The following KMT2A variants were observed in gnomAD, a reference collection of about 807,000 sequenced individuals.
The protein encoded by KMT2A is lysine methyltransferase 2A, also known as histone-lysine N-methyltransferase 2A.
A neutral mutation model predicts 345.3 loss-of-function variants in KMT2A; 16 were observed. The observed-to-expected ratio is 0.05, with a 90% CI of 0.03 to 0.07. The LOEUF is 0.07. Among genes scored for constraint, KMT2A ranks in the 10% least tolerant of loss-of-function variants. The pLI, the probability that KMT2A is intolerant of heterozygous loss-of-function variation, is 1.00. For missense variants in KMT2A, 3,272 were observed against 4,841.6 expected (o/e 0.68, Z 9.62); for synonymous variants, 1,599 against 1,778.6 (o/e 0.90, Z 2.54).
intron 1 of KMT2A, chr11:118,448,483 C>T (rs1949467156): frequency 6.6e-6 from 1 of 152,132 alleles, no homozygotes; most frequent in Non-Finnish European, 1.5e-5. Context: ...TTGCAGAAAG[C>T]ATTTCCTGTA....
intron 5 of KMT2A, 103 bp from the exon 6 acceptor site, chr11:118,480,071 C>G (rs1950104637): frequency 2.3e-6 from 2 of 876,560 alleles, no homozygotes; most frequent in African/African-American, 3.4e-5. Context: ...AAAATGTGAA[C>G]CTGAATACAG....
intron 3 of KMT2A, 115 bp downstream of exon 3, chr11:118,474,430 G>T: frequency 7.8e-7 from 1 of 1,290,302 alleles, no homozygotes; most frequent in Non-Finnish European, 1.0e-6. Context: ...GAAAAGTATG[G>T]TGGAGGCAGT....
chr11:118,504,561 G>A lies in KMT2A; in HGVS notation c.8669G>A (p.Arg2890His), dbSNP rs782765039. 4 of 1,614,016 alleles carry A rather than the reference G, an allele frequency of 2.5e-6. No individual in the cohort carries two copies. The South Asian group carries it at 3.3e-5, about 13-fold the overall frequency. The change falls in exon 27 of 36, where the codon CGT becomes CAT. Residue 2890 changes from arginine to histidine, a missense_variant. Arg to His is a conservative substitution (Grantham distance 29). Coordinates refer to ENST00000534358, the MANE Select transcript of KMT2A (RefSeq NM_001197104.2). This position sits in a 1 kb window ranked among gnomAD's most constrained non-coding sequence, Gnocchi z 6.4. Reference protein sequence around the residue: ...LGEGLGLDSNREKDMGLFEVF... With the variant: ...LGEGLGLDSNHEKDMGLFEVF... ...GAAGGATTGGGTCTTGACAGTAATCGTGAAAAAGACATGGGTCTTTTTGAA... is the reference window on the plus strand; with the variant it reads ...GAAGGATTGGGTCTTGACAGTAATCATGAAAAAGACATGGGTCTTTTTGAA...
In KMT2A at chr11:118,473,881, G is replaced by T; in HGVS notation, c.2722G>T (p.Val908Leu). ...EIQSSSALYP[V>L]GRVSKEKVVG... ...TCAGAGTAGTTCTGCTTTGTATCCTGTGGGTAGGGTTTCCAAAGAGAAGGT... is the reference window on the plus strand; with the variant it reads ...TCAGAGTAGTTCTGCTTTGTATCCTTTGGGTAGGGTTTCCAAAGAGAAGGT... Residue 908 changes from valine (V) to leucine (L), a missense_variant, in exon 3 of 36, where the codon GTG becomes TTG. Physicochemically the swap from Val to Leu is conservative, Grantham distance 32. This residue lies in a region of KMT2A where 209 missense variants were observed against 237.4 expected (regional missense o/e 0.88). Coordinates refer to ENST00000534358, the MANE Select transcript of KMT2A (RefSeq NM_001197104.2). The surrounding 1 kb of genome is among the most constrained non-coding windows in gnomAD (Gnocchi z 5.2). The T allele has an allele frequency of 6.8e-6, 11 of 1,614,174 alleles. No individual in the cohort carries two copies. The highest frequency in any genetic ancestry group is 9.3e-6 in the Non-Finnish European group (11 of 1,180,022).
chr11:118,438,770 C>T (rs190505891), intron 1 of KMT2A, among the ~76,000 whole-genome samples: 3 of 151,912 alleles, frequency 2.0e-5, no homozygotes, highest in Admixed American at 2.0e-4. Context: ...TTTTTTTAAT[C>T]GTTTCTAAGG....
Position 118,505,084 on chromosome 11 carries a change from T to G in KMT2A, c.9192T>G (p.Asn3064Lys). The G allele has an allele frequency of 6.2e-7, 1 of 1,614,140 alleles. No homozygotes were observed. Among genetic ancestry groups the G allele is most frequent in the East Asian group, 2.2e-5 (1 of 44,870 alleles). Residue 3064 changes from asparagine to lysine, a missense_variant, in exon 27 of 36, where the codon AAT (asparagine) becomes AAG (lysine). Coordinates refer to ENST00000534358, the MANE Select transcript of KMT2A (RefSeq NM_001197104.2). The surrounding 1 kb of genome is among the most constrained non-coding windows in gnomAD (Gnocchi z 4.6). ...TDSPGPSQIS[N>K]AAVQTTPPHL... ...GTCCTGGCCCGTCTCAGATTTCCAA[T>G]GCAGCTGTCCAGACCACTCCACCCC...
Position 118,491,139 on chromosome 11 carries a change from C to T in KMT2A, c.4697-57C>T, listed in dbSNP as rs9332811. The T allele has an allele frequency of 1.9e-3, 2,971 of 1,587,312 alleles. 41 individuals carry two copies. In the South Asian group the frequency reaches 0.024, roughly 13 times the overall value. On this transcript the variant is annotated intron_variant, in intron 13 of 35. Coordinates refer to ENST00000534358, the MANE Select transcript of KMT2A (RefSeq NM_001197104.2). This position sits in a 1 kb window ranked among gnomAD's most constrained non-coding sequence, Gnocchi z 4.2. The stretch of plus-strand genomic sequence containing the variant: ...GGGTTGGTAAATGCAAGTCGAGGGC[C>T]GTAAAAACACGGGTATGTGAGCCAA...
At chr11:118,446,469 A>G (rs961229651) in intron 1 of KMT2A, among the ~76,000 whole-genome samples, 3 of 152,244 alleles carry the variant, frequency 2.0e-5, no homozygotes, top group Admixed American at 6.5e-5. Context: ...CTTAAGTTAT[A>G]TGGCTAGTAA....
chr11:118,491,348 T>C lies in KMT2A; in HGVS notation c.4819+30T>C. 1 of 1,607,376 alleles carries C rather than the reference T, an allele frequency of 6.2e-7. No homozygotes were observed. The highest frequency in any genetic ancestry group is 8.5e-7 in the Non-Finnish European group (1 of 1,176,798). ...GAGTCTTTTTATTTCAGTTTTCTTCTTTCTAGGTACTACTACATTTATTAG... is the reference window on the plus strand; with the variant it reads ...GAGTCTTTTTATTTCAGTTTTCTTCCTTCTAGGTACTACTACATTTATTAG... On this transcript the variant is annotated intron_variant, in intron 14 of 35. Transcript: ENST00000534358. The surrounding 1 kb of genome is among the most constrained non-coding windows in gnomAD (Gnocchi z 4.2).
At chr11:118,437,649 C>G (rs1591333754) in intron 1 of KMT2A, among the ~76,000 whole-genome samples, 1 of 145,982 alleles carries the variant, frequency 6.9e-6, no homozygotes, top group Non-Finnish European at 1.5e-5. Context: ...CTGAAGATAA[C>G]GGTGATTCCT....
Position 118,503,640 on chromosome 11 carries a change from G to T in KMT2A, c.7748G>T (p.Cys2583Phe). Residue 2583 changes from cysteine to phenylalanine, a missense_variant, in exon 27 of 36, where the codon TGC (cysteine) becomes TTC (phenylalanine). Coordinates refer to ENST00000534358, the MANE Select transcript of KMT2A (RefSeq NM_001197104.2). This position sits in a 1 kb window ranked among gnomAD's most constrained non-coding sequence, Gnocchi z 5.3. The part of the protein sequence containing the change: ...VAQPSPNNTS[C>F]QDSQSNNYQN... ...CAACCAAGCCCCAATAATACCTCAT[G>T]CCAGGATTCTCAAAGTAACAACTAT... 1 of 1,614,178 alleles carries T rather than the reference G, an allele frequency of 6.2e-7. No homozygotes were observed. The highest frequency in any genetic ancestry group is 8.5e-7 in the Non-Finnish European group (1 of 1,180,026).
At position 118,526,640 on chromosome 11, in the gene KMT2A, C is replaced by T. The variant is rs1364840277; in HGVS notation, c.*4468C>T. On this transcript the variant is annotated 3_prime_UTR_variant, in exon 36 of 36. Coordinates refer to ENST00000534358, the MANE Select transcript of KMT2A (RefSeq NM_001197104.2). The stretch of plus-strand genomic sequence containing the variant: ...GTCCATCAGTGTTAACTCCCTGTGA[C>T]AGGGATGAAGGAAAATACTTTAATA... The T allele has an allele frequency of 2.6e-5, 6 of 228,944 alleles. No individual in the cohort carries two copies. Among genetic ancestry groups the T allele is most frequent in the African/African-American group, 9.0e-5 (4 of 44,472 alleles). 14.2% of individuals were successfully genotyped at this position (228,944 alleles called of 1,614,324 possible).
At chr11:118,513,122 T>A (rs1015121266) in intron 31 of KMT2A, among the ~76,000 whole-genome samples, 2 of 152,110 alleles carry the variant, frequency 1.3e-5, no homozygotes, top group Non-Finnish European at 2.9e-5. Flanking sequence ...TGCACACCTG[T>A]ACTCCCAGCT....
chr11:118,493,740 C>T lies in KMT2A; in HGVS notation c.5178+510C>T, dbSNP rs768113799. Among the ~76,000 whole-genome samples, 4 of 152,070 alleles carry T rather than the reference C, an allele frequency of 2.6e-5. No individual in the cohort carries two copies. Among genetic ancestry groups the T allele is most frequent in the African/African-American group, 9.7e-5 (4 of 41,408 alleles). On this transcript the variant is annotated intron_variant, in intron 16 of 35. Coordinates refer to ENST00000534358, the MANE Select transcript of KMT2A (RefSeq NM_001197104.2). This position sits in a 1 kb window ranked among gnomAD's most constrained non-coding sequence, Gnocchi z 5.8. ...TATTTATTTATTTGAGATGGAGTCT[C>T]GCTCTGTTACCCAGGCTGGCATGCA...
At position 118,436,704 on chromosome 11, in the gene KMT2A, G is replaced by T; in HGVS notation, c.192G>T (p.Ala64=). 7.4e-7 allele frequency: 1 copy of T among 1,346,966 alleles called. No homozygotes were observed. Among genetic ancestry groups the T allele is most frequent in the Non-Finnish European group, 9.6e-7 (1 of 1,045,702 alleles). 83.4% of individuals were successfully genotyped at this position (1,346,966 alleles called of 1,614,324 possible). A position where few individuals can be genotyped will look rare whatever the true frequency, so the allele number is the denominator to read the frequency against. Residue 64 remains alanine, a synonymous_variant, in exon 1 of 36, where the codon GCG becomes GCT. Coordinates refer to ENST00000534358, the MANE Select transcript of KMT2A (RefSeq NM_001197104.2). This position sits in a 1 kb window ranked among gnomAD's most constrained non-coding sequence, Gnocchi z 6.9. Reference sequence around the variant, plus strand: ...CCCCCCCGGCTGTGGCGGCCGCGGCGGCGGCGGCGGGAAGCAGCGGGGCTG... The same window carrying T: ...CCCCCCCGGCTGTGGCGGCCGCGGCTGCGGCGGCGGGAAGCAGCGGGGCTG... ...PPSPPAVAAA[A]AAAGSSGAGV...
At chr11:118,508,511 A>AG (rs1950627715) in intron 28 of KMT2A, among the ~76,000 whole-genome samples, 1 of 152,158 alleles carries the variant, frequency 6.6e-6, no homozygotes, top group Non-Finnish European at 1.5e-5. Context: ...CTGAGGCAGG[A>AG]GGATTGCTTG....
intron 10 of KMT2A, chr11:118,488,397 C>T (rs1950266659): frequency 1.0e-5 from 6 of 576,976 alleles, no homozygotes; most frequent in South Asian, 7.1e-5. Flanking sequence ...TATTTTGTTA[C>T]TTTCTATTTC....
At chr11:118,463,718 C>T (rs1949789411) in intron 1 of KMT2A, among the ~76,000 whole-genome samples, 1 of 152,066 alleles carries the variant, frequency 6.6e-6, no homozygotes, top group African/African-American at 2.4e-5. Flanking sequence ...GCTTCATTTT[C>T]TTCAAACACA....
chr11:118,518,117 CACCATT>C (rs1555052134), intron 31 of KMT2A, among the ~76,000 whole-genome samples: 3 of 152,148 alleles, frequency 2.0e-5, no homozygotes, highest in Non-Finnish European at 4.4e-5. Context: ...CCAAAATTAA[CACCATT>C]ACTGTTTCTA....
Sources: gnomAD v4.1 joint callset for allele counts (sites outside exome capture counted in the v4.1 genomes callset) on GRCh38, gnomAD v4.1.1 for gene constraint, gnomAD v4.1.1 regional missense constraint, Gnocchi (gnomAD v3.1) non-coding constraint, MANE v1.5 for transcripts, NCBI Gene and HGNC (gene_info 2026-07-23, HGNC 2026-07-21) for gene names.